The following SORCS2 variants were observed in gnomAD, a reference collection of about 807,000 sequenced individuals.
The protein encoded by SORCS2 is sortilin related VPS10 domain containing receptor 2.
A neutral mutation model predicts 141.6 loss-of-function variants in SORCS2; 100 were observed. That is an observed-to-expected ratio of 0.71 (90% CI 0.60 to 0.83). SORCS2 has a LOEUF of 0.83. Ranked by LOEUF, SORCS2 falls within the 40% of genes least tolerant of loss-of-function variation. The probability of loss-of-function intolerance (pLI) is 0.00; values close to 1 mark genes in which losing one functional copy is unlikely to be tolerated. For synonymous variants in SORCS2, 789 were observed against 676.9 expected, an observed-to-expected ratio of 1.17 and a Z score of -2.57; for missense variants, 1,646 against 1,560.2, an observed-to-expected ratio of 1.05 and a Z score of -0.93.
At chr4:7,282,737 G>A (rs979978135) in intron 1 of SORCS2, among the ~76,000 whole-genome samples, 7 of 152,194 alleles carry the variant, frequency 4.6e-5, no homozygotes, top group African/African-American at 1.4e-4. Flanking sequence ...GGGGCTGAGA[G>A]TGGTGTGATA....
chr4:7,257,419 A>G (rs867333897), intron 1 of SORCS2, among the ~76,000 whole-genome samples: 4 of 152,070 alleles, frequency 2.6e-5, no homozygotes, highest in African/African-American at 9.7e-5. Context: ...AAACCAGTGT[A>G]AGTATGGACC....
intron 19 of SORCS2, among the ~76,000 whole-genome samples, chr4:7,724,133 G>GTGGTGA (rs1553808140): frequency 2.0e-4 from 29 of 142,176 alleles, no homozygotes; most frequent in African/African-American, 4.4e-4. Flanking sequence ...GGTGGTGGTG[G>GTGGTGA]TGGTGGTGAT....
At chr4:7,737,795 G>A (rs891606730) in intron 26 of SORCS2, among the ~76,000 whole-genome samples, 6 of 152,176 alleles carry the variant, frequency 3.9e-5, no homozygotes, top group African/African-American at 4.8e-5. Flanking sequence ...GGGCTCAGCC[G>A]GGCTGCTCGC....
At chr4:7,340,409 T>C (rs777042367) in intron 1 of SORCS2, among the ~76,000 whole-genome samples, 2 of 152,188 alleles carry the variant, frequency 1.3e-5, no homozygotes, top group African/African-American at 4.8e-5. Flanking sequence ...CTGGTCACCA[T>C]AGCAGGGCAG....
intron 1 of SORCS2, among the ~76,000 whole-genome samples, chr4:7,292,771 A>G (rs1482360988): frequency 6.6e-6 from 1 of 152,210 alleles, no homozygotes; most frequent in African/African-American, 2.4e-5. Context: ...AGACGTTGCC[A>G]TGATGCCCTT....
At chr4:7,654,246 A>C in intron 5 of SORCS2, 39 bp downstream of exon 5, 2 of 1,547,166 alleles carry the variant, frequency 1.3e-6, no homozygotes, top group Non-Finnish European at 1.8e-6. Context: ...TGGGGCCCGC[A>C]GCTCTGGTGA....
intron 4 of SORCS2, among the ~76,000 whole-genome samples, chr4:7,639,921 G>A (rs547203755): frequency 0.034 from 3,025 of 88,166 alleles, 57 homozygotes; most frequent in Non-Finnish European, 0.047. Flanking sequence ...GTGTGTGTGT[G>A]TTTGTGAGAA....
chr4:7,290,246 C>T (rs376578840), intron 1 of SORCS2, among the ~76,000 whole-genome samples: 3 of 152,162 alleles, frequency 2.0e-5, no homozygotes, highest in Non-Finnish European at 4.4e-5. Context: ...TCTAACACAG[C>T]GCCCGTCTAC....
At chr4:7,641,810 ATGGATGGG>A (rs1329831749) in intron 4 of SORCS2, among the ~76,000 whole-genome samples, 19 of 125,718 alleles carry the variant, frequency 1.5e-4, no homozygotes, top group African/African-American at 5.3e-4. Flanking sequence ...GGATGGATGG[ATGGATGGG>A]TGGGTGGATG....
rs1384437019 is a variant in SORCS2 at position 7,638,333 on chromosome 4, C to T, written c.654C>T (p.Ile218=). The T allele has an allele frequency of 6.6e-7, 1 of 1,504,596 alleles. No homozygotes were observed. Among genetic ancestry groups the T allele is most frequent in the Non-Finnish European group, 8.8e-7 (1 of 1,132,100 alleles). The allele number at this position is 1,504,596 out of a possible 1,614,324, so 93.2% of individuals were successfully genotyped here. Residue 218 remains isoleucine, a synonymous_variant, in exon 4 of 27, where the codon ATC becomes ATT. Transcript: ENST00000507866. ...CAACCCGCTTTGTGTTTCAGGTCAT[C>T]CTTGTCAGCTCCTCACTCAGTGACC... ...YICPTNKRKV[I]LVSSSLSDRD...
intron 2 of SORCS2, among the ~76,000 whole-genome samples, chr4:7,506,043 T>C (rs1471349581): frequency 6.6e-6 from 1 of 152,022 alleles, no homozygotes; most frequent in African/African-American, 2.4e-5. Context: ...AGGGGTTCAG[T>C]CCCTCTCTCT....
At chr4:7,572,151 GT>G (rs1035566340) in intron 3 of SORCS2, among the ~76,000 whole-genome samples, 50 of 152,276 alleles carry the variant, frequency 3.3e-4, no homozygotes, top group African/African-American at 1.2e-3. Flanking sequence ...TGTGAGCTGG[GT>G]CTTCCTTGGG....
chr4:7,424,370 T>C (rs1006993138), intron 2 of SORCS2, among the ~76,000 whole-genome samples: 3 of 152,220 alleles, frequency 2.0e-5, no homozygotes, highest in African/African-American at 7.2e-5. Flanking sequence ...CTGGGCTCTC[T>C]GGGCCTGAGC....
At chr4:7,289,664 C>A (rs1716479305) in intron 1 of SORCS2, among the ~76,000 whole-genome samples, 1 of 152,174 alleles carries the variant, frequency 6.6e-6, no homozygotes, top group Non-Finnish European at 1.5e-5. Context: ...TCATGGAAAG[C>A]TTTTCATTAA....
At chr4:7,559,726 C>T (rs950027662) in intron 3 of SORCS2, among the ~76,000 whole-genome samples, 1 of 152,248 alleles carries the variant, frequency 6.6e-6, no homozygotes, top group Non-Finnish European at 1.5e-5. Context: ...GCCTCAATTT[C>T]CTCACCTGTG....
chr4:7,326,514 T>C (rs1719270828), intron 1 of SORCS2, among the ~76,000 whole-genome samples: 1 of 152,170 alleles, frequency 6.6e-6, no homozygotes, highest in African/African-American at 2.4e-5. Flanking sequence ...CATGGGAACC[T>C]TGCCGAGGTC....
intron 1 of SORCS2, among the ~76,000 whole-genome samples, chr4:7,263,879 C>T (rs975891050): frequency 3.9e-5 from 6 of 152,166 alleles, no homozygotes; most frequent in African/African-American, 1.2e-4. Flanking sequence ...CACCATGGAC[C>T]TTGGTGCGTC....
chr4:7,305,033 CTTT>C (rs748748182), intron 1 of SORCS2, among the ~76,000 whole-genome samples: 1 of 52,758 alleles, frequency 1.9e-5, no homozygotes, highest in Non-Finnish European at 8.0e-5. Context: ...TCTGGCTCTT[CTTT>C]TTTTTTTTTT....
At chr4:7,601,086 G>A (rs763727093) in intron 3 of SORCS2, among the ~76,000 whole-genome samples, 11 of 152,244 alleles carry the variant, frequency 7.2e-5, no homozygotes, top group South Asian at 4.2e-4. Flanking sequence ...GGGTTTCGCC[G>A]TGTTTCCTGG....
Sources: allele counts gnomAD v4.1 joint callset (sites outside exome capture counted in the v4.1 genomes callset), GRCh38; gene constraint gnomAD v4.1.1; transcripts MANE v1.5; gene names NCBI Gene and HGNC (gene_info 2026-07-23, HGNC 2026-07-21).